The following EPB41L3 variants were observed in gnomAD, a reference collection of about 807,000 sequenced individuals.
EPB41L3 encodes the protein erythrocyte membrane protein band 4.1 like 3, also known as band 4.1-like protein 3.
A neutral mutation model predicts 127.1 loss-of-function variants in EPB41L3; 57 were observed. The ratio of observed to expected loss-of-function variants is 0.45; its 90% CI spans 0.36 to 0.56. The LOEUF is 0.56. Ranked by LOEUF, EPB41L3 falls within the 20% of genes least tolerant of loss-of-function variation. The pLI, the probability that EPB41L3 is intolerant of heterozygous loss-of-function variation, is 0.00. For synonymous variants in EPB41L3, 572 were observed against 549.5 expected (o/e 1.04, Z -0.57); for missense variants, 1,273 against 1,372.2 (o/e 0.93, Z 1.14).
chr18:5,558,221 T>C (rs561477859), intron 3 of EPB41L3, among the ~76,000 whole-genome samples: 2 of 152,320 alleles, frequency 1.3e-5, no homozygotes, highest in South Asian at 4.1e-4. Flanking sequence ...GAAGACAACA[T>C]TCCTTTGAAT....
intron 3 of EPB41L3, among the ~76,000 whole-genome samples, chr18:5,609,023 C>A (rs907125661): frequency 3.3e-5 from 5 of 152,176 alleles, no homozygotes; most frequent in African/African-American, 1.2e-4. Context: ...AAATTTCATG[C>A]TAACATTCAA....
chr18:5,530,424 T>C (rs1427969155), intron 1 of EPB41L3, among the ~76,000 whole-genome samples: 1 of 152,080 alleles, frequency 6.6e-6, no homozygotes, highest in Non-Finnish European at 1.5e-5. Flanking sequence ...AAAAAAGCCA[T>C]ATTAAAAGTA....
At chr18:5,563,598 C>T (rs997695897) in intron 3 of EPB41L3, among the ~76,000 whole-genome samples, 26 of 152,228 alleles carry the variant, frequency 1.7e-4, no homozygotes, top group African/African-American at 5.5e-4. Context: ...ACATAGCCTC[C>T]ACTCAATGCA....
At chr18:5,434,799 T>C (rs928176034) in intron 6 of EPB41L3, among the ~76,000 whole-genome samples, 4 of 152,240 alleles carry the variant, frequency 2.6e-5, no homozygotes, top group Non-Finnish European at 5.9e-5. Flanking sequence ...ATACTTTTTA[T>C]CATTATTTTA....
chr18:5,469,319 TC>T (rs1438124308), intron 3 of EPB41L3, among the ~76,000 whole-genome samples: 8 of 152,190 alleles, frequency 5.3e-5, no homozygotes, highest in Admixed American at 5.2e-4. Context: ...GTCACTGCGT[TC>T]CCCTTGTCCA....
chr18:5,501,231 C>A (rs2091717261), intron 1 of EPB41L3, among the ~76,000 whole-genome samples: 1 of 152,048 alleles, frequency 6.6e-6, no homozygotes, highest in Non-Finnish European at 1.5e-5. Flanking sequence ...CTTATAAAAT[C>A]CTACCAAGTA....
intron 1 of EPB41L3, among the ~76,000 whole-genome samples, chr18:5,534,121 C>A (rs1165115535): frequency 6.6e-6 from 1 of 152,080 alleles, no homozygotes; most frequent in Non-Finnish European, 1.5e-5. Context: ...CGAGATCTCG[C>A]CACTGCACTC....
At chr18:5,548,673 C>CGGAATAATTTTAAT (rs11273435), upstream of EPB41L3, among the ~76,000 whole-genome samples, 35,565 of 151,650 alleles carry the variant, frequency 0.23, 5,680 homozygotes, top group African/African-American at 0.46. Context: ...TACTTTTAAA[C>CGGAATAATTTTAAT]GATAAAATTG....
intron 3 of EPB41L3, among the ~76,000 whole-genome samples, chr18:5,580,786 C>G (rs998896177): frequency 5.9e-5 from 9 of 152,196 alleles, no homozygotes; most frequent in African/African-American, 1.9e-4. Flanking sequence ...TGCTTCGTCT[C>G]CCTCCAGCAC....
At chr18:5,414,690 G>C (rs768238823) in intron 13 of EPB41L3, among the ~76,000 whole-genome samples, 20 of 152,174 alleles carry the variant, frequency 1.3e-4, no homozygotes, top group Admixed American at 4.6e-4. Context: ...GAGAGGAGTG[G>C]GGAGGGGCGC....
intron 13 of EPB41L3, among the ~76,000 whole-genome samples, chr18:5,413,714 C>G (rs1230052454): frequency 1.3e-5 from 2 of 152,174 alleles, no homozygotes; most frequent in Non-Finnish European, 2.9e-5. Context: ...CAACACTGAA[C>G]AGATGGCTAG....
intron 6 of EPB41L3, among the ~76,000 whole-genome samples, 170 bp from the exon 7 acceptor site, chr18:5,434,291 A>ATGGAAAGG (rs2079423965): frequency 6.6e-6 from 1 of 152,216 alleles, no homozygotes; most frequent in Non-Finnish European, 1.5e-5. Flanking sequence ...TACTTGTTCT[A>ATGGAAAGG]GATAGAAGGG....
intron 1 of EPB41L3, among the ~76,000 whole-genome samples, chr18:5,626,944 G>A (rs1402634594): frequency 6.6e-6 from 1 of 152,198 alleles, no homozygotes; most frequent in Non-Finnish European, 1.5e-5. Context: ...GAAACAGAGA[G>A]AGATGGAAAC....
intron 3 of EPB41L3, among the ~76,000 whole-genome samples, chr18:5,551,447 G>T (rs542506669): frequency 1.6e-4 from 24 of 152,270 alleles, no homozygotes; most frequent in Admixed American, 7.2e-4. Context: ...GCTGAAGGCT[G>T]GGCACGGTGG....
At chr18:5,431,223 T>C (rs1463603688) in intron 8 of EPB41L3, 2 of 152,200 alleles carry the variant, frequency 1.3e-5, no homozygotes, top group East Asian at 3.9e-4. Context: ...TTGTGTAATA[T>C]GGGTATTTAT....
Position 5,423,627 on chromosome 18 carries a change from C to A in EPB41L3, c.1164-74G>T. On this transcript the variant is annotated intron_variant, in intron 10 of 22. Transcript: ENST00000341928. ...GAGAGTGCTTTTTAAACTTTTTACT[C>A]TGAGAGGTCATGTGTTTTGCATGCT... 2.2e-6 allele frequency: 3 copies of A among 1,370,848 alleles called. 1 individual carries two copies. The African/African-American group carries it at 4.4e-5, about 20-fold the overall frequency. 84.9% of individuals were successfully genotyped at this position (1,370,848 alleles called of 1,614,324 possible).
intron 2 of EPB41L3, among the ~76,000 whole-genome samples, chr18:5,486,464 G>A (rs1471461484): frequency 6.6e-6 from 1 of 151,824 alleles, no homozygotes; most frequent in African/African-American, 2.4e-5. Flanking sequence ...AAAAGCATAG[G>A]TAATCAAAAC....
chr18:5,620,822 C>T (rs1213731140), intron 1 of EPB41L3, among the ~76,000 whole-genome samples: 1 of 152,046 alleles, frequency 6.6e-6, no homozygotes, highest in Admixed American at 6.6e-5. Flanking sequence ...CAAACCTTGG[C>T]GCCAAGGTTT....
At chr18:5,546,871 T>A (rs2149115128), upstream of EPB41L3, among the ~76,000 whole-genome samples, 1 of 152,316 alleles carries the variant, frequency 6.6e-6, no homozygotes, top group South Asian at 2.1e-4. Flanking sequence ...AGTGCCTCAC[T>A]GGGCACATTG....
Sources: gnomAD v4.1 joint callset for allele counts (sites outside exome capture counted in the v4.1 genomes callset) on GRCh38, gnomAD v4.1.1 for gene constraint, MANE v1.5 for transcripts, NCBI Gene and HGNC (gene_info 2026-07-23, HGNC 2026-07-21) for gene names.